PAK4: variants seen among roughly 807,000 people sequenced by gnomAD.
The protein encoded by PAK4 is p21 (RAC1) activated kinase 4.
A neutral mutation model predicts 53.5 loss-of-function variants in PAK4; 49 were observed. That is an observed-to-expected ratio of 0.92 (90% CI 0.73 to 1.16). The LOEUF (loss-of-function observed/expected upper bound fraction) is 1.16, where lower values mean the gene tolerates loss of function less well. Among genes scored for constraint, PAK4 ranks in the 50% most tolerant of loss-of-function variants. PAK4 has a pLI of 0.00. For synonymous variants in PAK4, 376 were observed against 375.6 expected (o/e 1.00, Z -0.01); for missense variants, 824 against 850.7 (o/e 0.97, Z 0.39).
intron 1 of PAK4, among the ~76,000 whole-genome samples, chr19:39,154,887 CT>C (rs2074151491): frequency 6.6e-6 from 1 of 152,162 alleles, no homozygotes; most frequent in African/African-American, 2.4e-5. Context: ...GGTCCAGAGC[CT>C]GGCCCAGCCC....
At chr19:39,155,358 G>A (rs1055298672) in intron 1 of PAK4, among the ~76,000 whole-genome samples, 2 of 152,292 alleles carry the variant, frequency 1.3e-5, no homozygotes, top group Admixed American at 1.3e-4. Flanking sequence ...TGCAGACAGT[G>A]ACAGCCTGGG....
At chr19:39,158,221 G>A (rs558741207) in intron 1 of PAK4, among the ~76,000 whole-genome samples, 4 of 151,918 alleles carry the variant, frequency 2.6e-5, no homozygotes, top group South Asian at 4.2e-4. Flanking sequence ...GTGGGTGTGC[G>A]TGTGTGTGCA....
chr19:39,175,329 T>C lies in PAK4; in HGVS notation c.1250T>C (p.Ile417Thr), dbSNP rs775301295. Residue 417 changes from isoleucine (I) to threonine (T), a missense_variant, in exon 6 of 9, where the codon ATC (isoleucine) becomes ACC (threonine). Coordinates refer to ENST00000358301, the Ensembl canonical transcript of PAK4. The surrounding 1 kb of genome is among the most constrained non-coding windows in gnomAD (Gnocchi z 4.7). ...CCCCGCAGGATGAACGAGGAGCAGA[T>C]CGCGGCCGTGTGCCTTGCAGTGCTG... The C allele has an allele frequency of 3.8e-6, 6 of 1,585,714 alleles. No individual in the cohort carries two copies. In the East Asian group the frequency reaches 1.4e-4, roughly 36 times the overall value.
At chr19:39,131,294 C>T (rs1288900590) in intron 1 of PAK4, among the ~76,000 whole-genome samples, 4 of 152,120 alleles carry the variant, frequency 2.6e-5, no homozygotes, top group African/African-American at 9.7e-5. Flanking sequence ...TCCGTGGAGA[C>T]CTGTTCCCCC....
intron 1 of PAK4, among the ~76,000 whole-genome samples, chr19:39,139,978 C>T (rs1055939227): frequency 1.3e-5 from 2 of 152,144 alleles, no homozygotes; most frequent in African/African-American, 2.4e-5. Flanking sequence ...CGGCACGCTA[C>T]GGGGACATGT....
chr19:39,167,435 G>T (rs1221185634), intron 1 of PAK4, among the ~76,000 whole-genome samples: 3 of 152,128 alleles, frequency 2.0e-5, no homozygotes, highest in Non-Finnish European at 2.9e-5. Flanking sequence ...TGAGAGAGTA[G>T]GTCAGGGCCA....
chr19:39,182,800 CAG>C (rs1345676183), downstream of PAK4: 1 of 150,300 alleles, frequency 6.7e-6, no homozygotes, highest in Non-Finnish European at 1.5e-5. Flanking sequence ...GCCTGGGTGA[CAG>C]AGTGAGATTC....
rs1011149051 is a variant in PAK4, at chr19:39,161,609, C to A, written c.-22-7923C>A. On this transcript the variant is annotated intron_variant, in intron 1 of 8. Transcript: ENST00000358301. This position sits in a 1 kb window ranked among gnomAD's most constrained non-coding sequence, Gnocchi z 4.5. Reference sequence around the variant, plus strand: ...TTCCCAGCCAGTGGGAGCCTGTGAACTCCTGAGTCAGGCGGTGGCCCTCCT... The same window carrying A: ...TTCCCAGCCAGTGGGAGCCTGTGAAATCCTGAGTCAGGCGGTGGCCCTCCT... Among the ~76,000 whole-genome samples the A allele has an allele frequency of 6.6e-6, 1 of 152,018 alleles. No homozygotes were observed. The highest frequency in any genetic ancestry group is 2.4e-5 in the African/African-American group (1 of 41,382).
At chr19:39,141,967 A>G (rs984304141) in intron 1 of PAK4, among the ~76,000 whole-genome samples, 2 of 152,028 alleles carry the variant, frequency 1.3e-5, no homozygotes. Flanking sequence ...TACACTTTGC[A>G]TCCGGTTGAT....
chr19:39,160,685 G>A (rs1348263202), intron 1 of PAK4, among the ~76,000 whole-genome samples: 1 of 152,238 alleles, frequency 6.6e-6, no homozygotes, highest in Non-Finnish European at 1.5e-5. Context: ...GATGAGGTTT[G>A]CGAGGTTGGC....
chr19:39,130,073 G>A (rs547657640), intron 1 of PAK4, among the ~76,000 whole-genome samples: 3 of 105,012 alleles, frequency 2.9e-5, no homozygotes, highest in Non-Finnish European at 7.1e-5. Flanking sequence ...AGGCCTAGGC[G>A]AGGGTCAGGG....
chr19:39,167,839 T>C (rs2074404170), intron 1 of PAK4, among the ~76,000 whole-genome samples: 2 of 152,226 alleles, frequency 1.3e-5, no homozygotes, highest in Admixed American at 1.3e-4. Flanking sequence ...TACGTGCATC[T>C]GCGCGTCCTC....
exon 1 of PAK4, chr19:39,125,876 C>T (rs1038671055): frequency 2.0e-5 from 3 of 153,076 alleles, no homozygotes; most frequent in African/African-American, 7.2e-5. Flanking sequence ...GCGCGGAGTT[C>T]CAGGTCGAGC....
chr19:39,147,062 T>A (rs1341174646), intron 1 of PAK4, among the ~76,000 whole-genome samples: 9 of 25,586 alleles, frequency 3.5e-4, no homozygotes, highest in Non-Finnish European at 9.0e-4. Context: ...ACTGTCATTG[T>A]CAATTGACAA....
Position 39,175,167 on chromosome 19 carries a change from G to C in PAK4, c.1232+103G>C. 1 of 1,503,562 alleles carries C rather than the reference G, an allele frequency of 6.7e-7. No individual in the cohort carries two copies. The allele number at this position is 1,503,562 out of a possible 1,614,324, so 93.1% of individuals were successfully genotyped here. ...AAACCAGCTGTGCTCCGGGCCCCTG[G>C]GATGGGGTCGTGTCTTCCATTCCTC... On this transcript the variant is annotated intron_variant, in intron 5 of 8. Transcript: ENST00000358301. The surrounding 1 kb of genome is among the most constrained non-coding windows in gnomAD (Gnocchi z 4.7).
At chr19:39,155,849 T>C (rs1431559794) in intron 1 of PAK4, among the ~76,000 whole-genome samples, 1 of 152,190 alleles carries the variant, frequency 6.6e-6, no homozygotes, top group Non-Finnish European at 1.5e-5. Context: ...ACCTGTCTCA[T>C]TTAGGGCAGC....
intron 1 of PAK4, among the ~76,000 whole-genome samples, chr19:39,163,733 G>A (rs1600379045): frequency 6.6e-6 from 1 of 152,198 alleles, no homozygotes; most frequent in East Asian, 1.9e-4. Flanking sequence ...GCCCCGGCTG[G>A]GGCAGAAGGC....
chr19:39,155,122 T>G (rs1009193876), intron 1 of PAK4, among the ~76,000 whole-genome samples: 7 of 152,142 alleles, frequency 4.6e-5, no homozygotes, highest in African/African-American at 7.2e-5. Context: ...CTCACTGTTG[T>G]CCCTGGATTC....
intron 1 of PAK4, among the ~76,000 whole-genome samples, chr19:39,145,586 C>T (rs559344002): frequency 1.3e-5 from 2 of 152,262 alleles, no homozygotes; most frequent in South Asian, 2.1e-4. Context: ...AGTGGTAGAG[C>T]GCCGTTGGCT....
Sources: allele counts gnomAD v4.1 joint callset (sites outside exome capture counted in the v4.1 genomes callset), GRCh38; gene constraint gnomAD v4.1.1; non-coding constraint Gnocchi (gnomAD v3.1); transcripts MANE v1.5; gene names NCBI Gene and HGNC (gene_info 2026-07-23, HGNC 2026-07-21).